Variants in ASIC2 observed in about 807,000 individuals in gnomAD.
ASIC2 encodes acid sensing ion channel subunit 2.
ASIC2 carries 25 observed loss-of-function variants against 57.3 expected under a neutral mutation model. That is an observed-to-expected ratio of 0.44 (90% confidence interval 0.32 to 0.61). The LOEUF is 0.61. Ranked by LOEUF, ASIC2 falls within the 20% of genes least tolerant of loss-of-function variation. The pLI, the probability that ASIC2 is intolerant of heterozygous loss-of-function variation, is 0.06. For missense variants in ASIC2, 641 were observed against 738.1 expected, an observed-to-expected ratio of 0.87 and a Z score of 1.52; for synonymous variants, 319 against 307.5, an observed-to-expected ratio of 1.04 and a Z score of -0.39.
At chr17:33,666,857 T>A (rs1035404601) in intron 1 of ASIC2, among the ~76,000 whole-genome samples, 18 of 152,336 alleles carry the variant, frequency 1.2e-4, no homozygotes, top group African/African-American at 4.1e-4. Flanking sequence ...GGTTGCCAGA[T>A]AAACTGCAAG....
intron 1 of ASIC2, among the ~76,000 whole-genome samples, chr17:33,718,230 T>A (rs1909282362): frequency 6.6e-6 from 1 of 152,214 alleles, no homozygotes; most frequent in South Asian, 2.1e-4. Context: ...TGTTAGACTG[T>A]AATTTAAGCA....
intron 7 of ASIC2, 72 bp from the exon 8 acceptor site, chr17:33,017,756 C>A: frequency 2.9e-6 from 4 of 1,402,688 alleles, no homozygotes; most frequent in Non-Finnish European, 4.0e-6. Context: ...GACTGAGATG[C>A]AACCCAGACC....
At chr17:33,178,153 G>A (rs893851988) in intron 1 of ASIC2, among the ~76,000 whole-genome samples, 6 of 152,066 alleles carry the variant, frequency 3.9e-5, no homozygotes, top group Admixed American at 6.6e-5. Flanking sequence ...GATTTTAGGT[G>A]TTCTCACCAT....
At chr17:33,739,715 G>C (rs898637370) in intron 1 of ASIC2, among the ~76,000 whole-genome samples, 1 of 151,884 alleles carries the variant, frequency 6.6e-6, no homozygotes, top group South Asian at 2.1e-4. Context: ...CAGGCTAGGA[G>C]AGGGGATAAA....
intron 2 of ASIC2, among the ~76,000 whole-genome samples, chr17:33,110,898 C>T (rs2092255487): frequency 6.6e-6 from 1 of 152,150 alleles, no homozygotes; most frequent in Non-Finnish European, 1.5e-5. Context: ...GCAGGCTGCT[C>T]CCCACGCTCC....
chr17:33,139,812 A>C (rs892721784), intron 1 of ASIC2, among the ~76,000 whole-genome samples: 1 of 152,226 alleles, frequency 6.6e-6, no homozygotes, highest in African/African-American at 2.4e-5. Context: ...AGCTTGGATA[A>C]GTGCAGAACT....
intron 1 of ASIC2, among the ~76,000 whole-genome samples, chr17:33,390,333 G>T (rs1455188985): frequency 6.6e-6 from 1 of 151,842 alleles, no homozygotes; most frequent in Non-Finnish European, 1.5e-5. Flanking sequence ...AAAAAAAGAA[G>T]CCCCTTTCCC....
intron 1 of ASIC2, among the ~76,000 whole-genome samples, chr17:34,129,243 C>T (rs1395861714): frequency 1.3e-5 from 2 of 152,160 alleles, no homozygotes; most frequent in African/African-American, 4.8e-5. Context: ...TAGGATCACC[C>T]CACGTACAGG....
chr17:33,852,078 T>C (rs1913783148), intron 1 of ASIC2, among the ~76,000 whole-genome samples: 1 of 152,228 alleles, frequency 6.6e-6, no homozygotes, highest in African/African-American at 2.4e-5. Flanking sequence ...AATCTTAGCT[T>C]GTCTTCTGCA....
chr17:33,895,896 G>A (rs1915082707), intron 1 of ASIC2, among the ~76,000 whole-genome samples: 1 of 152,128 alleles, frequency 6.6e-6, no homozygotes, highest in South Asian at 2.1e-4. Flanking sequence ...CTTACGGGGT[G>A]CATAACTTTG....
intron 1 of ASIC2, among the ~76,000 whole-genome samples, chr17:33,209,240 G>C (rs1907183947): frequency 6.6e-6 from 1 of 152,210 alleles, no homozygotes; most frequent in African/African-American, 2.4e-5. Flanking sequence ...CACAGAGATA[G>C]AGGCTATTAT....
chr17:33,362,068 G>A (rs1045012096), intron 1 of ASIC2, among the ~76,000 whole-genome samples: 1 of 152,176 alleles, frequency 6.6e-6, no homozygotes, highest in African/African-American at 2.4e-5. Flanking sequence ...AGTTGGGAGT[G>A]GTGGACACTC....
In ASIC2 at chr17:33,146,834, C is replaced by T. The variant is rs116174394; in HGVS notation, c.709-34767G>A. ...GACCTAGAAGTTACATGATAAATGCCAGAGGCCTGGGGCTATCTGCTTGGG... is the reference window on the plus strand; with the variant it reads ...GACCTAGAAGTTACATGATAAATGCTAGAGGCCTGGGGCTATCTGCTTGGG... On this transcript the variant is annotated intron_variant, in intron 1 of 9. Coordinates refer to ENST00000225823, the MANE Select transcript of ASIC2 (RefSeq NM_183377.2). Among the ~76,000 whole-genome samples the T allele has an allele frequency of 4.2e-3, 636 of 152,300 alleles. 2 individuals carry two copies. The highest frequency in any genetic ancestry group is 0.015 in the African/African-American group (621 of 41,558).
At chr17:33,379,313 G>T (rs1404383277) in intron 1 of ASIC2, among the ~76,000 whole-genome samples, 1 of 152,160 alleles carries the variant, frequency 6.6e-6, no homozygotes, top group Non-Finnish European at 1.5e-5. Flanking sequence ...TTACACTCTG[G>T]CAGTTGCGAA....
chr17:33,108,264 G>C (rs1244848084), intron 2 of ASIC2, among the ~76,000 whole-genome samples: 1 of 152,076 alleles, frequency 6.6e-6, no homozygotes, highest in African/African-American at 2.4e-5. Flanking sequence ...AAACTGCCTG[G>C]GCACACATCA....
chr17:33,221,692 C>G (rs796667939), intron 1 of ASIC2, among the ~76,000 whole-genome samples: 3 of 152,008 alleles, frequency 2.0e-5, no homozygotes, highest in African/African-American at 7.2e-5. Context: ...TTTTATAGAC[C>G]AAATAATTTA....
intron 1 of ASIC2, among the ~76,000 whole-genome samples, chr17:33,417,903 AG>A (rs1208657318): frequency 6.6e-6 from 1 of 152,136 alleles, no homozygotes; most frequent in Non-Finnish European, 1.5e-5. Flanking sequence ...TCCTCAGGGA[AG>A]GCCCGACTAG....
intron 1 of ASIC2, among the ~76,000 whole-genome samples, chr17:33,285,167 T>C (rs1905094242): frequency 6.6e-6 from 1 of 152,228 alleles, no homozygotes; most frequent in African/African-American, 2.4e-5. Flanking sequence ...AGACATTTGA[T>C]TGATGCCTTC....
At chr17:33,329,092 A>G (rs1388509973) in intron 1 of ASIC2, among the ~76,000 whole-genome samples, 1 of 152,202 alleles carries the variant, frequency 6.6e-6, no homozygotes, top group African/African-American at 2.4e-5. Context: ...AAATAATGGC[A>G]GGAATGGCTA....
Sources: gnomAD v4.1 joint callset for allele counts (sites outside exome capture counted in the v4.1 genomes callset) on GRCh38, gnomAD v4.1.1 for gene constraint, MANE v1.5 for transcripts, NCBI Gene and HGNC (gene_info 2026-07-23, HGNC 2026-07-21) for gene names.